The following SNTG2 variants were observed in gnomAD, a reference collection of about 807,000 sequenced individuals.
SNTG2 encodes syntrophin gamma 2.
Under a neutral mutation model 70.9 loss-of-function variants are expected in SNTG2, and 74 were observed. The observed-to-expected ratio is 1.04, with a 90% confidence interval of 0.86 to 1.27. The LOEUF is 1.27. Among genes scored for constraint, SNTG2 ranks in the 50% most tolerant of loss-of-function variants. SNTG2 has a pLI of 0.00. For missense variants in SNTG2, 717 were observed against 690.7 expected, an observed-to-expected ratio of 1.04 and a Z score of -0.43; for synonymous variants, 278 against 273.8, an observed-to-expected ratio of 1.02 and a Z score of -0.15.
intron 14 of SNTG2, among the ~76,000 whole-genome samples, chr2:1,293,699 C>CAA (rs368970009): frequency 3.4e-5 from 5 of 147,244 alleles, no homozygotes; most frequent in African/African-American, 7.5e-5. Flanking sequence ...CCAATAAGTT[C>CAA]AAAAAAAAAA....
At chr2:988,624 C>T (rs1208510301) in intron 1 of SNTG2, among the ~76,000 whole-genome samples, 1 of 151,996 alleles carries the variant, frequency 6.6e-6, no homozygotes, top group Non-Finnish European at 1.5e-5. Flanking sequence ...TGGCTGTGGG[C>T]GTTCATACGT....
intron 7 of SNTG2, among the ~76,000 whole-genome samples, chr2:1,172,516 T>C (rs1409565770): frequency 6.6e-6 from 1 of 152,228 alleles, no homozygotes; most frequent in Non-Finnish European, 1.5e-5. Flanking sequence ...GAAAGTGCTC[T>C]ATGTCCCCTG....
intron 1 of SNTG2, among the ~76,000 whole-genome samples, chr2:957,312 C>T (rs1462773474): frequency 6.6e-6 from 1 of 152,004 alleles, no homozygotes; most frequent in Non-Finnish European, 1.5e-5. Context: ...AGAAATTTTA[C>T]CACCTCCCTG....
intron 12 of SNTG2, among the ~76,000 whole-genome samples, chr2:1,255,855 T>TATATATAA (rs1297906759): frequency 4.2e-4 from 25 of 59,948 alleles, no homozygotes; most frequent in Non-Finnish European, 6.1e-4. Flanking sequence ...TATATATAAA[T>TATATATAA]ATATATAAAT....
chr2:1,282,351 A>G (rs367681324), intron 14 of SNTG2, among the ~76,000 whole-genome samples: 16 of 152,194 alleles, frequency 1.1e-4, no homozygotes, highest in African/African-American at 3.9e-4. Context: ...CCCTTAGATG[A>G]AGTTAATTTC....
chr2:1,112,015 T>C (rs1666493217), intron 4 of SNTG2, among the ~76,000 whole-genome samples: 1 of 145,584 alleles, frequency 6.9e-6, no homozygotes, highest in Non-Finnish European at 1.5e-5. Context: ...CTTACAGTCC[T>C]TTGAGAAGGA....
intron 1 of SNTG2, among the ~76,000 whole-genome samples, chr2:997,960 C>T (rs935201095): frequency 5.3e-5 from 8 of 152,210 alleles, no homozygotes; most frequent in African/African-American, 1.9e-4. Context: ...CTCCGCCACT[C>T]TGTCTCTGCA....
chr2:1,222,340 A>G (rs2148044404), intron 9 of SNTG2, among the ~76,000 whole-genome samples: 1 of 152,382 alleles, frequency 6.6e-6, no homozygotes, highest in East Asian at 1.9e-4. Flanking sequence ...TCCAAGCAAG[A>G]TAAATTCGTA....
chr2:1,296,011 A>G (rs1208346174), intron 14 of SNTG2, among the ~76,000 whole-genome samples: 1 of 151,028 alleles, frequency 6.6e-6, no homozygotes, highest in African/African-American at 2.4e-5. Flanking sequence ...AGACGTCACC[A>G]TCGATGGCTT....
intron 1 of SNTG2, among the ~76,000 whole-genome samples, chr2:1,059,810 C>G (rs748142068): frequency 9.9e-5 from 15 of 152,110 alleles, no homozygotes; most frequent in Non-Finnish European, 1.8e-4. Context: ...TGAGACATAT[C>G]TGAAAAAGTA....
intron 9 of SNTG2, among the ~76,000 whole-genome samples, chr2:1,222,115 G>A (rs1054512366): frequency 4.5e-5 from 1 of 22,060 alleles, no homozygotes; most frequent in African/African-American, 1.7e-4. Context: ...GTCTCTCTCT[G>A]TCTCTCTCTG....
At chr2:1,332,178 T>C (rs954846807) in intron 16 of SNTG2, among the ~76,000 whole-genome samples, 8 of 152,200 alleles carry the variant, frequency 5.3e-5, no homozygotes, top group African/African-American at 1.9e-4. Context: ...TCTCTGCTAG[T>C]GAGTGAAAAG....
chr2:1,183,294 A>G (rs991619948), intron 8 of SNTG2, among the ~76,000 whole-genome samples: 1 of 152,188 alleles, frequency 6.6e-6, no homozygotes, highest in Non-Finnish European at 1.5e-5. Context: ...CCTATTACAT[A>G]TAAAACCATT....
intron 4 of SNTG2, among the ~76,000 whole-genome samples, chr2:1,136,407 C>T (rs1049649909): frequency 6.6e-6 from 1 of 151,368 alleles, no homozygotes; most frequent in Non-Finnish European, 1.5e-5. Context: ...GAGCTGCCAC[C>T]AATGCATGGG....
At chr2:987,180 T>C (rs1661353324) in intron 1 of SNTG2, among the ~76,000 whole-genome samples, 1 of 152,152 alleles carries the variant, frequency 6.6e-6, no homozygotes, top group African/African-American at 2.4e-5. Context: ...GGAAACGCTG[T>C]AGGAACTTAG....
chr2:1,183,160 A>G (rs1268430075), intron 8 of SNTG2, among the ~76,000 whole-genome samples: 3 of 152,198 alleles, frequency 2.0e-5, no homozygotes, highest in Admixed American at 2.0e-4. Context: ...GCTCAATATT[A>G]TGACATTATA....
At chr2:1,179,652 T>C (rs1400511673) in intron 8 of SNTG2, among the ~76,000 whole-genome samples, 2 of 151,972 alleles carry the variant, frequency 1.3e-5, no homozygotes, top group African/African-American at 4.8e-5. Flanking sequence ...CAAGGTAATT[T>C]ATAGATTCAG....
intron 14 of SNTG2, among the ~76,000 whole-genome samples, chr2:1,292,390 A>G (rs1396675850): frequency 2.6e-5 from 4 of 152,162 alleles, no homozygotes; most frequent in African/African-American, 9.7e-5. Context: ...TGTGTGGAAT[A>G]TAATTGGCAG....
In SNTG2 at chr2:1,234,689, G is replaced by T. The variant is rs574841571; in HGVS notation, c.720-3199G>T. Among the ~76,000 whole-genome samples, 211 of 152,298 alleles carry T rather than the reference G, an allele frequency of 1.4e-3. 1 individual carries two copies. Among genetic ancestry groups the T allele is most frequent in the Non-Finnish European group, 2.4e-3 (160 of 68,036 alleles). On this transcript the variant is annotated intron_variant, in intron 9 of 16. Coordinates refer to ENST00000308624, the MANE Select transcript of SNTG2 (RefSeq NM_018968.4). ...TCGTGCGAGTCCGTGAGCCTCTGGG[G>T]CTCCACGTGCATTCACTGCCTCAGG...
Sources: allele counts gnomAD v4.1 joint callset (sites outside exome capture counted in the v4.1 genomes callset), GRCh38; gene constraint gnomAD v4.1.1; transcripts MANE v1.5; gene names NCBI Gene and HGNC (gene_info 2026-07-23, HGNC 2026-07-21).